Variants in ST3GAL4 observed in about 807,000 individuals in gnomAD.
ST3GAL4 encodes the protein CMP-N-acetylneuraminate-beta-galactosamide-alpha-2,3-sialyltransferase 4.
A neutral mutation model predicts 42.6 loss-of-function variants in ST3GAL4; 24 were observed. The ratio of observed to expected loss-of-function variants is 0.56; its 90% confidence interval spans 0.41 to 0.79. ST3GAL4 has a LOEUF of 0.79. Among genes scored for constraint, ST3GAL4 ranks in the 30% least tolerant of loss-of-function variants. The pLI, the probability that ST3GAL4 is intolerant of heterozygous loss-of-function variation, is 0.00. For missense variants in ST3GAL4, 311 were observed against 430.8 expected (o/e 0.72, Z 2.46); for synonymous variants, 135 against 163.2 (o/e 0.83, Z 1.32).
Position 126,400,542 on chromosome 11 carries a change from A to C in ST3GAL4, c.-60-5554A>C, listed in dbSNP as rs551037407. ...CCTTAGTGTGCTTGGGAGGAGGGTA[A>C]GAGATGCGTTTGCAGTTCTCATGGC... On this transcript the variant is annotated intron_variant, in intron 1 of 10. Transcript: ENST00000444328. This position sits in a 1 kb window ranked among gnomAD's most constrained non-coding sequence, Gnocchi z 4.6. Among the ~76,000 whole-genome samples, 10 of 152,340 alleles carry C rather than the reference A, an allele frequency of 6.6e-5. 1 individual carries two copies. The South Asian group carries it at 1.9e-3, about 28-fold the overall frequency.
Position 126,409,301 on chromosome 11 carries a change from A to C in ST3GAL4, c.661A>C (p.Ile221Leu), listed in dbSNP as rs756675594. 6.2e-7 allele frequency: 1 copy of C among 1,614,228 alleles called. No individual in the cohort carries two copies. The change falls in exon 9 of 11, where the codon ATC becomes CTC. Residue 221 changes from isoleucine to leucine, a missense_variant. Physicochemically the swap from Ile to Leu is conservative, Grantham distance 5. Transcript: ENST00000444328. This position sits in a 1 kb window ranked among gnomAD's most constrained non-coding sequence, Gnocchi z 4.9. ...GGGTTTCTGGAAACAGCCTCCCCTC[A>C]TCTGGGATGTCAATCCTAAACAGAT... ...RKGFWKQPPL[I>L]WDVNPKQIRI...
Position 126,408,397 on chromosome 11 carries a change from C to T in ST3GAL4, c.528C>T (p.Asp176=), listed in dbSNP as rs775369409. ...TCTACCCTGAATCTGCCCACTTCGA[C>T]CCCAAAGTAGAAAACAACCCAGACA... The part of the protein sequence containing the change: ...RLFYPESAHF[D]PKVENNPDTL... The change falls in exon 8 of 11, where the codon GAC becomes GAT. Residue 176 remains aspartate, a synonymous_variant. Coordinates refer to ENST00000444328, the MANE Select transcript of ST3GAL4 (RefSeq NM_001254757.2). 1.2e-6 allele frequency: 2 copies of T among 1,614,186 alleles called. No homozygotes were observed. The highest frequency in any genetic ancestry group is 1.1e-5 in the South Asian group (1 of 91,088).
chr11:126,408,067 G>A, intron 6 of ST3GAL4, 32 bp from the exon 7 acceptor site: 4 of 1,608,416 alleles, frequency 2.5e-6, no homozygotes, highest in Non-Finnish European at 3.4e-6. Flanking sequence ...TAGAGTGTGG[G>A]GTGACATAGA....
At chr11:126,381,466 G>C (rs1416937441) in intron 1 of ST3GAL4, among the ~76,000 whole-genome samples, 2 of 151,098 alleles carry the variant, frequency 1.3e-5, no homozygotes, top group Non-Finnish European at 2.9e-5. Flanking sequence ...AGGAGGTGGA[G>C]ATGGGGACCA....
At chr11:126,368,111 A>C (rs1695738) in intron 1 of ST3GAL4, among the ~76,000 whole-genome samples, 130,834 of 150,964 alleles carry the variant, frequency 0.87, 57,451 homozygotes, top group African/African-American at 0.96. Context: ...CACGCCACTG[A>C]ACTCCAGTCT....
intron 1 of ST3GAL4, among the ~76,000 whole-genome samples, chr11:126,362,010 T>A (rs1312277021): frequency 6.7e-6 from 1 of 149,856 alleles, no homozygotes. Context: ...GCCTCCCAAG[T>A]AGCTGGGATC....
intron 1 of ST3GAL4, among the ~76,000 whole-genome samples, chr11:126,394,691 C>T (rs953920050): frequency 6.6e-6 from 1 of 152,092 alleles, no homozygotes; most frequent in African/African-American, 2.4e-5. Context: ...TCTCAAAGTG[C>T]TGGGATTACT....
Position 126,356,528 on chromosome 11 carries a change from C to G in ST3GAL4, c.-61+686C>G, listed in dbSNP as rs554246570. Among the ~76,000 whole-genome samples the G allele has an allele frequency of 2.6e-5, 4 of 152,354 alleles. No homozygotes were observed. In the South Asian group the frequency reaches 8.3e-4, roughly 32 times the overall value. ...ACTGCCAACATGTCTGCCAGCACTG[C>G]CCCTCCATTCCCAGTCCTGGGGGGA... On this transcript the variant is annotated intron_variant, in intron 1 of 10. Coordinates refer to ENST00000444328, the MANE Select transcript of ST3GAL4 (RefSeq NM_001254757.2).
rs1953545456 is a variant in ST3GAL4, at chr11:126,392,168, T to C, written c.-60-13928T>C. The C allele has an allele frequency of 7.9e-6, 2 of 253,516 alleles. No individual in the cohort carries two copies. The highest frequency in any genetic ancestry group is 1.2e-5 in the Non-Finnish European group (2 of 160,856). 15.7% of individuals were successfully genotyped at this position (253,516 alleles called of 1,614,324 possible). On this transcript the variant is annotated intron_variant, in intron 1 of 10. Transcript: ENST00000444328. The surrounding 1 kb of genome is among the most constrained non-coding windows in gnomAD (Gnocchi z 5.8). Reference sequence around the variant, plus strand: ...ACTGGCTCCTCCTGGAGGCCACATGTACCTTGCGCTTCCTGGGGCTTGGTC... The same window carrying C: ...ACTGGCTCCTCCTGGAGGCCACATGCACCTTGCGCTTCCTGGGGCTTGGTC...
At chr11:126,404,802 C>G (rs901406872) in intron 1 of ST3GAL4, among the ~76,000 whole-genome samples, 3 of 152,244 alleles carry the variant, frequency 2.0e-5, no homozygotes, top group African/African-American at 7.2e-5. Flanking sequence ...ACTCAAGACT[C>G]TGATCCTTCA....
At chr11:126,375,935 G>C (rs191381212) in intron 1 of ST3GAL4, among the ~76,000 whole-genome samples, 6 of 146,534 alleles carry the variant, frequency 4.1e-5, no homozygotes, top group Admixed American at 3.5e-4. Context: ...CAAAGTGAAC[G>C]TGCAGTACAT....
rs1954225817 is a variant in ST3GAL4 at position 126,406,285 on chromosome 11, C to T, written c.16+114C>T. On this transcript the variant is annotated intron_variant, in intron 2 of 10. Coordinates refer to ENST00000444328, the MANE Select transcript of ST3GAL4 (RefSeq NM_001254757.2). This position sits in a 1 kb window ranked among gnomAD's most constrained non-coding sequence, Gnocchi z 5.4. ...AGGGACAGACAGGGAGCCAGGGGCC[C>T]TTCTCTTCATCTTGAAGGACAGTGG... is the stretch of plus-strand genomic sequence containing the variant. 5 of 1,545,532 alleles carry T rather than the reference C, an allele frequency of 3.2e-6. No individual in the cohort carries two copies. Among genetic ancestry groups the T allele is most frequent in the Non-Finnish European group, 4.4e-6 (5 of 1,144,770 alleles).
rs1439167484 is a variant in ST3GAL4 at position 126,378,695 on chromosome 11, A to G, written c.-61+22853A>G. On this transcript the variant is annotated intron_variant, in intron 1 of 10. Coordinates refer to ENST00000444328, the MANE Select transcript of ST3GAL4 (RefSeq NM_001254757.2). This position sits in a 1 kb window ranked among gnomAD's most constrained non-coding sequence, Gnocchi z 5.3. ...GGGATGACTGGTTTTCTTTCCAAATATGACCTGAGCATTGATCTGTCCAAT... is the reference window on the plus strand; with the variant it reads ...GGGATGACTGGTTTTCTTTCCAAATGTGACCTGAGCATTGATCTGTCCAAT... 6.6e-6 allele frequency among the ~76,000 whole-genome samples: 1 copy of G among 152,164 alleles called. No individual in the cohort carries two copies. Among genetic ancestry groups the G allele is most frequent in the Non-Finnish European group, 1.5e-5 (1 of 68,034 alleles).
rs1034851824 is a variant in ST3GAL4, at chr11:126,363,448, C to T, written c.-61+7606C>T. On this transcript the variant is annotated intron_variant, in intron 1 of 10. Coordinates refer to ENST00000444328, the MANE Select transcript of ST3GAL4 (RefSeq NM_001254757.2). The surrounding 1 kb of genome is among the most constrained non-coding windows in gnomAD (Gnocchi z 4.6). ...GGGTTGCCTGGAGGCCGGGAATGTT[C>T]AGGAGAGCCTTCATTGGGAGCCCAT... Among the ~76,000 whole-genome samples the T allele has an allele frequency of 6.6e-6, 1 of 152,166 alleles. No homozygotes were observed. Among genetic ancestry groups the T allele is most frequent in the Non-Finnish European group, 1.5e-5 (1 of 68,026 alleles).
intron 1 of ST3GAL4, among the ~76,000 whole-genome samples, chr11:126,403,875 C>T (rs551163513): frequency 9.9e-5 from 15 of 152,284 alleles, no homozygotes; most frequent in Non-Finnish European, 2.1e-4. Flanking sequence ...TGAGTCACGG[C>T]GTGCACATCG....
At chr11:126,369,075 T>TCCTA (rs1952538936) in intron 1 of ST3GAL4, among the ~76,000 whole-genome samples, 1 of 152,074 alleles carries the variant, frequency 6.6e-6, no homozygotes. Context: ...GCTGTTTCTG[T>TCCTA]CCTCAGGGTA....
rs536895918 is a variant in ST3GAL4, at chr11:126,386,914, C to A, written c.-60-19182C>A. Among the ~76,000 whole-genome samples the A allele has an allele frequency of 6.6e-6, 1 of 152,232 alleles. No homozygotes were observed. Among genetic ancestry groups the A allele is most frequent in the Admixed American group, 6.5e-5 (1 of 15,286 alleles). On this transcript the variant is annotated intron_variant, in intron 1 of 10. Transcript: ENST00000444328. The surrounding 1 kb of genome is among the most constrained non-coding windows in gnomAD (Gnocchi z 4.7). ...TAACACACACACCCCTCCCCCACCCCGCTGGAGAAGCCCTGCACCAGAGCA... is the reference window on the plus strand; with the variant it reads ...TAACACACACACCCCTCCCCCACCCAGCTGGAGAAGCCCTGCACCAGAGCA...
chr11:126,395,237 G>C lies in ST3GAL4; in HGVS notation c.-60-10859G>C, dbSNP rs141141991. On this transcript the variant is annotated intron_variant, in intron 1 of 10. Coordinates refer to ENST00000444328, the MANE Select transcript of ST3GAL4 (RefSeq NM_001254757.2). ...TTCAACACGTTTGTATTGAGAGCCT[G>C]CTGGGTGCCGGGCACTATTGTCAAC... Among the ~76,000 whole-genome samples, 68 of 152,280 alleles carry C rather than the reference G, an allele frequency of 4.5e-4. 1 individual carries two copies. The East Asian group carries it at 0.013, about 29-fold the overall frequency.
At chr11:126,375,894 CT>C (rs1452848764) in intron 1 of ST3GAL4, among the ~76,000 whole-genome samples, 5 of 147,854 alleles carry the variant, frequency 3.4e-5, no homozygotes, top group African/African-American at 1.0e-4. Flanking sequence ...TTTTTTGCCC[CT>C]GGCTATGAGT....
Sources: gnomAD v4.1 joint callset for allele counts (sites outside exome capture counted in the v4.1 genomes callset) on GRCh38, gnomAD v4.1.1 for gene constraint, Gnocchi (gnomAD v3.1) non-coding constraint, MANE v1.5 for transcripts, NCBI Gene and HGNC (gene_info 2026-07-23, HGNC 2026-07-21) for gene names.